Variants in TRIM67 observed in about 807,000 individuals in gnomAD.
The protein encoded by TRIM67 is tripartite motif-containing protein 67.
A neutral mutation model predicts 71.0 loss-of-function variants in TRIM67; 39 were observed. The observed-to-expected ratio is 0.55, with a 90% CI of 0.43 to 0.72. The LOEUF (loss-of-function observed/expected upper bound fraction) is 0.72, where lower values mean the gene tolerates loss of function less well. Among genes scored for constraint, TRIM67 ranks in the 30% least tolerant of loss-of-function variants. TRIM67 has a pLI of 0.00. For missense variants in TRIM67, 973 were observed against 1,079.2 expected (o/e 0.90, Z 1.38); for synonymous variants, 481 against 473.9 (o/e 1.01, Z -0.19).
chr1:231,200,305 C>T (rs781488041), intron 4 of TRIM67, 47 bp downstream of exon 4: 1 of 1,259,874 alleles, frequency 7.9e-7, no homozygotes. Context: ...TCCAACTGTC[C>T]CACTGTTCCC....
At chr1:231,198,094 C>T (rs1419832382) in intron 2 of TRIM67, among the ~76,000 whole-genome samples, 1 of 152,182 alleles carries the variant, frequency 6.6e-6, no homozygotes, top group Admixed American at 6.5e-5. Context: ...GCCATGTCGT[C>T]GTCCTTTGTG....
In TRIM67 at chr1:231,163,749, C is replaced by A. The variant is rs552049134; in HGVS notation, c.780C>A (p.Pro260=). The A allele has an allele frequency of 3.9e-5, 58 of 1,493,518 alleles. No homozygotes were observed. Among genetic ancestry groups the A allele is most frequent in the African/African-American group, 7.3e-5 (5 of 68,438 alleles). The allele number at this position is 1,493,518 out of a possible 1,614,324, so 92.5% of individuals were successfully genotyped here. ...AGCCGCCGCCGCCGCCGCCGCCGCC[C>A]GCCGAGGCAGCCTCCGGGCCCACTG... ...LVQPPPPPPP[P]AEAASGPTGT... Residue 260 remains proline, a synonymous_variant, in exon 1 of 10, where the codon CCC becomes CCA. Transcript: ENST00000366653.
At chr1:231,184,026 C>G (rs1454904808) in intron 1 of TRIM67, 1 of 152,188 alleles carries the variant, frequency 6.6e-6, no homozygotes, top group Non-Finnish European at 1.5e-5. Flanking sequence ...TCTCTTTGTT[C>G]AGTTTTGAAT....
chr1:231,169,366 CTCTTTTTT>C (rs1682562410), intron 1 of TRIM67, among the ~76,000 whole-genome samples: 1 of 106,548 alleles, frequency 9.4e-6, no homozygotes, highest in East Asian at 3.1e-4. Context: ...CGATTCTTTT[CTCTTTTTT>C]TTTTTTTTTT....
chr1:231,184,971 C>T (rs1254976646), intron 1 of TRIM67: 46 of 1,492,162 alleles, frequency 3.1e-5, no homozygotes, highest in Non-Finnish European at 3.6e-5. Context: ...TGGATAAACA[C>T]CCAGCAGTGC....
chr1:231,164,192 G>A (rs781016362), intron 1 of TRIM67, among the ~76,000 whole-genome samples, 179 bp downstream of exon 1: 33 of 152,204 alleles, frequency 2.2e-4, no homozygotes, highest in Non-Finnish European at 4.3e-4. Context: ...AGGGACTCCC[G>A]GTACTTTGGA....
intron 1 of TRIM67, chr1:231,184,830 C>T: frequency 3.3e-6 from 2 of 605,876 alleles, no homozygotes; most frequent in South Asian, 4.0e-5. Context: ...TGAGGCAGGC[C>T]TTTGGGGTGG....
At chr1:231,201,771 C>T (rs375818625) in intron 5 of TRIM67, among the ~76,000 whole-genome samples, 1 of 152,346 alleles carries the variant, frequency 6.6e-6, no homozygotes, top group Admixed American at 6.5e-5. Context: ...TGTTCAACAA[C>T]AATTATTTGT....
At position 231,163,215 on chromosome 1, in the gene TRIM67, G is replaced by A. The variant is rs552955532; in HGVS notation, c.246G>A (p.Gly82=). The change falls in exon 1 of 10, where the codon GGG becomes GGA. Residue 82 remains glycine, a synonymous_variant. Coordinates refer to ENST00000366653, the MANE Select transcript of TRIM67 (RefSeq NM_001004342.5). ...AAGPACGGAG[G]SAAGGLGGGA... Reference sequence around the variant, plus strand: ...GCCCGGCCTGCGGCGGTGCAGGCGGGAGTGCAGCTGGCGGCCTCGGCGGCG... The same window carrying A: ...GCCCGGCCTGCGGCGGTGCAGGCGGAAGTGCAGCTGGCGGCCTCGGCGGCG... The A allele has an allele frequency of 1.0e-4, 155 of 1,494,320 alleles. 2 individuals are homozygous for A. In the South Asian group the frequency reaches 1.9e-3, roughly 18 times the overall value. The allele number at this position is 1,494,320 out of a possible 1,614,324, so 92.6% of individuals were successfully genotyped here. A position where few individuals can be genotyped will look rare whatever the true frequency, so the allele number is the denominator to read the frequency against.
At chr1:231,193,702 C>T (rs973465218) in intron 1 of TRIM67, among the ~76,000 whole-genome samples, 1 of 152,122 alleles carries the variant, frequency 6.6e-6, no homozygotes, top group African/African-American at 2.4e-5. Context: ...CCAGCATCTG[C>T]TTCTGGTGAG....
intron 1 of TRIM67, among the ~76,000 whole-genome samples, chr1:231,175,994 T>C (rs1355741529): frequency 6.6e-6 from 1 of 152,184 alleles, no homozygotes; most frequent in Non-Finnish European, 1.5e-5. Context: ...CTTTGGGGTT[T>C]GCTGGGTGTC....
At chr1:231,194,334 G>A (rs1683311463) in intron 1 of TRIM67, among the ~76,000 whole-genome samples, 2 of 152,196 alleles carry the variant, frequency 1.3e-5, no homozygotes, top group African/African-American at 4.8e-5. Context: ...CCTTTTGAGG[G>A]TGAGTATCCT....
rs1442436242 is a variant in TRIM67 at position 231,220,561 on chromosome 1, T to C, written c.*5121T>C. 1 of 152,398 alleles carries C rather than the reference T, an allele frequency of 6.6e-6. No individual in the cohort carries two copies. The highest frequency in any genetic ancestry group is 1.9e-4 in the East Asian group (1 of 5,194). 9.4% of individuals were successfully genotyped at this position (152,398 alleles called of 1,614,324 possible). A position where few individuals can be genotyped will look rare whatever the true frequency, so the allele number is the denominator to read the frequency against. ...GTGTGAATGGGTTTGAAATCCAGTG[T>C]GGATAGCACGAAGAGATGCAACTGA... On this transcript the variant is annotated 3_prime_UTR_variant, in exon 10 of 10. Coordinates refer to ENST00000366653, the MANE Select transcript of TRIM67 (RefSeq NM_001004342.5).
intron 5 of TRIM67, among the ~76,000 whole-genome samples, chr1:231,202,616 TGA>T (rs886782830): frequency 1.3e-5 from 2 of 152,160 alleles, no homozygotes; most frequent in Admixed American, 1.3e-4. Flanking sequence ...TTTTGTGGAC[TGA>T]GGGCCACACT....
chr1:231,202,240 G>C (rs375695512), intron 5 of TRIM67, among the ~76,000 whole-genome samples: 1 of 966 alleles, frequency 1.0e-3, no homozygotes, highest in Non-Finnish European at 2.2e-3. Context: ...GGAGAGGAGG[G>C]GGGGTAGTGG....
chr1:231,178,722 G>T (rs1682822041), intron 1 of TRIM67, among the ~76,000 whole-genome samples: 1 of 152,202 alleles, frequency 6.6e-6, no homozygotes, highest in South Asian at 2.1e-4. Context: ...ATGGAAAGAT[G>T]ATTGGAATTT....
chr1:231,219,961 T>C lies in TRIM67; in HGVS notation c.*4521T>C, dbSNP rs1241826096. 7.8e-7 allele frequency: 1 copy of C among 1,289,648 alleles called. No individual in the cohort carries two copies. Among genetic ancestry groups the C allele is most frequent in the Non-Finnish European group, 1.0e-6 (1 of 988,804 alleles). 79.9% of individuals were successfully genotyped at this position (1,289,648 alleles called of 1,614,324 possible). A position where few individuals can be genotyped will look rare whatever the true frequency, so the allele number is the denominator to read the frequency against. ...TTACTTCCCTCTTTTAACCTGGCTT[T>C]AATAGTGATTCATGGTATGAGTGGG... On this transcript the variant is annotated 3_prime_UTR_variant, in exon 10 of 10. Transcript: ENST00000366653.
chr1:231,181,737 T>C (rs1465498986), intron 1 of TRIM67, among the ~76,000 whole-genome samples: 1 of 152,080 alleles, frequency 6.6e-6, no homozygotes, highest in Non-Finnish European at 1.5e-5. Context: ...TGTAGAGAGG[T>C]AGACATTCCC....
rs1682369970 is a variant in TRIM67 at position 231,163,820 on chromosome 1, C to A, written c.851C>A (p.Pro284Gln). ...AGCGGAGGCGGCGGCTGCAAGAGCC[C>A]GGGAGGCGCGGGGGCGGGGGCGACT... ...APSGGGGCKS[P>Q]GGAGAGATGG... Residue 284 changes from proline (P) to glutamine (Q), a missense_variant, in exon 1 of 10, where the codon CCG becomes CAG. Around this residue, in one of 2 missense-constraint regions of TRIM67, gnomAD observed 795 missense variants for 831.3 expected, o/e 0.96. Transcript: ENST00000366653. 1.3e-6 allele frequency: 2 copies of A among 1,515,870 alleles called. No individual in the cohort carries two copies. The highest frequency in any genetic ancestry group is 8.9e-7 in the Non-Finnish European group (1 of 1,129,274). 93.9% of individuals were successfully genotyped at this position (1,515,870 alleles called of 1,614,324 possible).
Sources: gnomAD v4.1 joint callset for allele counts (sites outside exome capture counted in the v4.1 genomes callset) on GRCh38, gnomAD v4.1.1 for gene constraint, gnomAD v4.1.1 regional missense constraint, MANE v1.5 for transcripts, NCBI Gene and HGNC (gene_info 2026-07-23, HGNC 2026-07-21) for gene names.